The following DNAH17 variants were observed in gnomAD, a reference collection of about 807,000 sequenced individuals.
DNAH17 encodes the protein axonemal beta dynein heavy chain 17.
A neutral mutation model predicts 485.6 loss-of-function variants in DNAH17; 376 were observed. That is an observed-to-expected ratio of 0.77 (90% CI 0.71 to 0.84). The LOEUF is 0.84. DNAH17 is among the 40% of genes least tolerant of loss of function. DNAH17 has a pLI of 0.00. For missense variants in DNAH17, 6,370 were observed against 5,839.3 expected, an observed-to-expected ratio of 1.09 and a Z score of -2.96; for synonymous variants, 3,031 against 2,405.9, an observed-to-expected ratio of 1.26 and a Z score of -7.60.
rs1039521577 is a variant in DNAH17 at position 78,575,116 on chromosome 17, C to G, written c.-25-34G>C. On this transcript the variant is annotated intron_variant, in intron 1 of 80. Coordinates refer to ENST00000389840, the MANE Select transcript of DNAH17 (RefSeq NM_173628.4). The stretch of plus-strand genomic sequence containing the variant: ...AGTGCAAGAAACAGGTACGAACTGT[C>G]TCCCGGGCTCCCCAATTTCCCACCC... 4 of 1,375,154 alleles carry G rather than the reference C, an allele frequency of 2.9e-6. No individual in the cohort carries two copies. The African/African-American group carries it at 4.4e-5, about 15-fold the overall frequency. 85.2% of individuals were successfully genotyped at this position (1,375,154 alleles called of 1,614,324 possible). A position where few individuals can be genotyped will look rare whatever the true frequency, so the allele number is the denominator to read the frequency against.
At position 78,514,882 on chromosome 17, in the gene DNAH17, C is replaced by T; in HGVS notation, c.4005G>A (p.Gly1335=). 1 of 1,614,056 alleles carries T rather than the reference C, an allele frequency of 6.2e-7. No individual in the cohort carries two copies. Among genetic ancestry groups the T allele is most frequent in the Non-Finnish European group, 8.5e-7 (1 of 1,179,908 alleles). Residue 1335 remains glycine, a synonymous_variant, in exon 26 of 81, where the codon GGG becomes GGA. Transcript: ENST00000389840. Reference sequence around the variant, plus strand: ...TCACGTTTTTCACGGTGTTGTCGAGCCCCACGAAGGCATCCCAGGTTTTCA... The same window carrying T: ...TCACGTTTTTCACGGTGTTGTCGAGTCCCACGAAGGCATCCCAGGTTTTCA... ...KEMKTWDAFV[G]LDNTVKNVIT... is the part of the protein sequence containing the mutation.
rs543913428 is a variant in DNAH17, at chr17:78,445,762, G to T, written c.11212-82C>A. 5.4e-6 allele frequency: 8 copies of T among 1,489,698 alleles called. No homozygotes were observed. The South Asian group carries it at 1.0e-4, about 19-fold the overall frequency. 92.3% of individuals were successfully genotyped at this position (1,489,698 alleles called of 1,614,324 possible). A position where few individuals can be genotyped will look rare whatever the true frequency, so the allele number is the denominator to read the frequency against. ...TGAAGATGCGCGCTGGACTCGAAGA[G>T]GAGTTCACACTCCCGGCCTGCAGGG... On this transcript the variant is annotated intron_variant, in intron 69 of 80. Transcript: ENST00000389840.
intron 44 of DNAH17, chr17:78,489,855 GTGGGCGGATGGA>G (rs1488560184): frequency 3.3e-5 from 5 of 149,500 alleles, no homozygotes; most frequent in Non-Finnish European, 7.4e-5. Context: ...GAGTGGGTGG[GTGGGCGGATGGA>G]TGGATGGATG....
intron 27 of DNAH17, 64 bp from the exon 28 acceptor site, chr17:78,507,869 A>C: frequency 7.1e-7 from 1 of 1,407,384 alleles, no homozygotes; most frequent in East Asian, 2.5e-5. Flanking sequence ...GGCAGGACCC[A>C]GAGTTTCCAG....
intron 60 of DNAH17, 142 bp downstream of exon 60, chr17:78,459,642 G>A (rs2087995093): frequency 2.3e-6 from 2 of 863,588 alleles, no homozygotes; most frequent in Non-Finnish European, 3.5e-6. Context: ...TGTGTTCTTG[G>A]GGTGCTGTAT....
At chr17:78,480,310 T>C (rs1050172018) in intron 49 of DNAH17, among the ~76,000 whole-genome samples, 11 of 151,908 alleles carry the variant, frequency 7.2e-5, no homozygotes, top group African/African-American at 1.5e-4. Context: ...GATCACACCA[T>C]TGCACTCCAG....
At chr17:78,485,060 C>CGCCTG in intron 47 of DNAH17, 27 bp from the exon 48 acceptor site, 2 of 1,571,922 alleles carry the variant, frequency 1.3e-6, no homozygotes, top group Non-Finnish European at 8.6e-7. Context: ...GTCAGCTGCC[C>CGCCTG]GCCTGCGCCT....
intron 51 of DNAH17, chr17:78,478,793 C>T (rs559074901): frequency 4.4e-5 from 22 of 500,814 alleles, no homozygotes; most frequent in African/African-American, 4.0e-4. Flanking sequence ...ATCATCATAA[C>T]CATCACTACC....
chr17:78,486,424 T>C lies in DNAH17; in HGVS notation c.6901A>G (p.Thr2301Ala). The change falls in exon 45 of 81, where the codon ACG becomes GCG. Residue 2301 changes from threonine (T) to alanine (A), a missense_variant. Thr to Ala is a moderately conservative substitution (Grantham distance 58). Coordinates refer to ENST00000389840, the MANE Select transcript of DNAH17 (RefSeq NM_173628.4). ...CCAAAGCGCAACTTGTCCAGGCACG[T>C]GGGCAGGTACTTGTCAAAGAGGATC... ...LMILFDKYLP[T>A]CLDKLRFGFK... 1 of 1,613,776 alleles carries C rather than the reference T, an allele frequency of 6.2e-7. No individual in the cohort carries two copies. The highest frequency in any genetic ancestry group is 8.5e-7 in the Non-Finnish European group (1 of 1,179,882).
chr17:78,454,519 T>C lies in DNAH17; in HGVS notation c.10357A>G (p.Lys3453Glu). The change falls in exon 64 of 81, where the codon AAA becomes GAA. Residue 3453 changes from lysine to glutamate, a missense_variant. Lys to Glu is a moderately conservative substitution (Grantham distance 56, BLOSUM62 1). Coordinates refer to ENST00000389840, the MANE Select transcript of DNAH17 (RefSeq NM_173628.4). The stretch of plus-strand genomic sequence containing the variant: ...TTCAGTTCACTCCTGTATTTGTTTT[T>C]GATCCACTTGATTCCTTGGAGCTGG... ...DAQLQGIKWIKNKYRSELKAI... is the reference protein window; with the variant it reads ...DAQLQGIKWIENKYRSELKAI... 1 of 1,613,626 alleles carries C rather than the reference T, an allele frequency of 6.2e-7. No individual in the cohort carries two copies. The highest frequency in any genetic ancestry group is 8.5e-7 in the Non-Finnish European group (1 of 1,179,864).
At chr17:78,551,265 T>C (rs2091895285) in intron 16 of DNAH17, among the ~76,000 whole-genome samples, 1 of 152,222 alleles carries the variant, frequency 6.6e-6, no homozygotes, top group Non-Finnish European at 1.5e-5. Context: ...CAGATCTCTT[T>C]CCACCCCTTG....
intron 35 of DNAH17, chr17:78,500,829 C>T (rs199634694): frequency 4.4e-6 from 1 of 228,330 alleles, no homozygotes; most frequent in African/African-American, 2.3e-5. Flanking sequence ...AGAAAACCTT[C>T]AGGTGTGAAG....
chr17:78,509,723 G>A (rs886636094), intron 27 of DNAH17, among the ~76,000 whole-genome samples: 4 of 151,870 alleles, frequency 2.6e-5, no homozygotes, highest in Admixed American at 6.6e-5. Context: ...CGTCAGCTGC[G>A]GAGTCAGAAG....
chr17:78,560,474 C>CA (rs1262943398), intron 13 of DNAH17, among the ~76,000 whole-genome samples: 2 of 150,770 alleles, frequency 1.3e-5, no homozygotes, highest in African/African-American at 2.4e-5. Flanking sequence ...TCGGCAAAGA[C>CA]TTTTTCCCCC....
Position 78,423,892 on chromosome 17 carries a change from G to GAGGCAGGAGCGAGCTAAA in DNAH17, c.13385_*13dup, listed in dbSNP as rs761355727. On this transcript the variant is annotated 3_prime_UTR_variant, in exon 81 of 81. Coordinates refer to ENST00000389840, the MANE Select transcript of DNAH17 (RefSeq NM_173628.4). ...TCCAGCCCCAGGGAGTGTGGGCTGT[G>GAGGCAGGAGCGAGCTAAA]AGGCAGGAGCGAGCTAAACCTGTAG... is the stretch of plus-strand genomic sequence containing the variant. 1.9e-6 allele frequency: 3 copies of GAGGCAGGAGCGAGCTAAA among 1,613,488 alleles called. No individual in the cohort carries two copies. The South Asian group carries it at 3.3e-5, about 18-fold the overall frequency.
At chr17:78,524,274 A>C (rs143660567) in intron 25 of DNAH17, among the ~76,000 whole-genome samples, 1 of 152,258 alleles carries the variant, frequency 6.6e-6, no homozygotes, top group Non-Finnish European at 1.5e-5. Flanking sequence ...AGTAGCTGGG[A>C]TTACAGGTGC....
intron 30 of DNAH17, 111 bp downstream of exon 30, chr17:78,506,609 G>T: frequency 1.3e-6 from 2 of 1,488,422 alleles, no homozygotes; most frequent in Admixed American, 2.0e-5. Context: ...GGAGATGATG[G>T]GGCACGTCCA....
At chr17:78,491,638 G>A in intron 42 of DNAH17, 68 bp from the exon 43 acceptor site, 1 of 1,548,518 alleles carries the variant, frequency 6.5e-7, no homozygotes. Context: ...CACCAGTCCT[G>A]ACCCTGGCCT....
At chr17:78,501,103 C>G in intron 35 of DNAH17, 81 bp downstream of exon 35, 2 of 1,460,314 alleles carry the variant, frequency 1.4e-6, no homozygotes, top group Non-Finnish European at 1.8e-6. Context: ...CCACAGCTGA[C>G]CTCCAAGTCG....
Sources: allele counts gnomAD v4.1 joint callset (sites outside exome capture counted in the v4.1 genomes callset), GRCh38; gene constraint gnomAD v4.1.1; transcripts MANE v1.5; gene names NCBI Gene and HGNC (gene_info 2026-07-23, HGNC 2026-07-21).